Variants in ANKS1B observed in about 807,000 individuals in gnomAD.
ANKS1B encodes ankyrin repeat and sterile alpha motif domain-containing protein 1B.
A neutral mutation model predicts 148.3 loss-of-function variants in ANKS1B; 36 were observed. That is an observed-to-expected ratio of 0.24 (90% CI 0.19 to 0.32). The LOEUF (loss-of-function observed/expected upper bound fraction) is 0.32. ANKS1B is among the 10% of genes least tolerant of loss of function. The pLI is 1.00. For synonymous variants in ANKS1B, 542 were observed against 560.8 expected, an observed-to-expected ratio of 0.97 and a Z score of 0.47; for missense variants, 1,157 against 1,542.6, an observed-to-expected ratio of 0.75 and a Z score of 4.19.
chr12:99,687,083 T>C (rs1304559026), intron 8 of ANKS1B, among the ~76,000 whole-genome samples: 1 of 152,194 alleles, frequency 6.6e-6, no homozygotes. Flanking sequence ...CCTTCACTTA[T>C]GAAATATAAT....
intron 9 of ANKS1B, among the ~76,000 whole-genome samples, chr12:99,508,317 A>G (rs1310500966): frequency 1.3e-5 from 2 of 151,762 alleles, no homozygotes; most frequent in African/African-American, 2.4e-5. Context: ...TATGCTGCCT[A>G]TTCTAGTAGT....
intron 9 of ANKS1B, among the ~76,000 whole-genome samples, chr12:99,646,382 G>A (rs913647156): frequency 6.6e-6 from 1 of 152,058 alleles, no homozygotes; most frequent in Admixed American, 6.5e-5. Flanking sequence ...AAGTGGGCTG[G>A]GCACGGTGGC....
rs981588291 is a variant in ANKS1B, at chr12:99,427,997, T to C, written c.1575+15676A>G. On this transcript the variant is annotated intron_variant, in intron 11 of 26. Transcript: ENST00000683438. Reference sequence around the variant, plus strand: ...CCCAGTGCAAGAACATTTATGGACTTTTATGCCTTATCGAGTAAGAAGTTT... The same window carrying C: ...CCCAGTGCAAGAACATTTATGGACTCTTATGCCTTATCGAGTAAGAAGTTT... Among the ~76,000 whole-genome samples, 5 of 152,178 alleles carry C rather than the reference T, an allele frequency of 3.3e-5. No individual in the cohort carries two copies. In the East Asian group the frequency reaches 9.6e-4, roughly 29 times the overall value.
At chr12:99,193,695 T>C (rs2081025120) in intron 14 of ANKS1B, among the ~76,000 whole-genome samples, 1 of 151,936 alleles carries the variant, frequency 6.6e-6, no homozygotes. Flanking sequence ...GTTATATGAA[T>C]GAATTGCTCA....
intron 9 of ANKS1B, among the ~76,000 whole-genome samples, chr12:99,521,222 T>C (rs1355486034): frequency 6.6e-6 from 1 of 152,250 alleles, no homozygotes; most frequent in East Asian, 1.9e-4. Flanking sequence ...CCAGAATTTC[T>C]ACTTGATTCT....
intron 12 of ANKS1B, among the ~76,000 whole-genome samples, chr12:99,332,378 C>CAAAT (rs1433453586): frequency 2.6e-5 from 4 of 152,042 alleles, no homozygotes; most frequent in Non-Finnish European, 5.9e-5. Context: ...ATTCTCTTAA[C>CAAAT]AAATACTCAC....
chr12:99,088,815 T>C (rs2153638329), intron 15 of ANKS1B, among the ~76,000 whole-genome samples: 1 of 147,020 alleles, frequency 6.8e-6, no homozygotes, highest in Admixed American at 6.8e-5. Flanking sequence ...TACTAAATGC[T>C]AGCAAATCTC....
At chr12:99,155,116 G>C in intron 14 of ANKS1B, 1 of 1,503,920 alleles carries the variant, frequency 6.6e-7, no homozygotes, top group Non-Finnish European at 8.8e-7. Flanking sequence ...GGAATTTTAC[G>C]TTTCAAAAGA....
chr12:98,821,849 C>G (rs1374625565), intron 19 of ANKS1B, among the ~76,000 whole-genome samples: 1 of 151,858 alleles, frequency 6.6e-6, no homozygotes, highest in Non-Finnish European at 1.5e-5. Flanking sequence ...CTCAAGTGAT[C>G]CACCGGCCTC....
At chr12:99,361,444 A>T (rs2092451778) in intron 12 of ANKS1B, among the ~76,000 whole-genome samples, 1 of 152,054 alleles carries the variant, frequency 6.6e-6, no homozygotes, top group Admixed American at 6.6e-5. Context: ...TCCTTCCTTG[A>T]TGCCTGGTAT....
chr12:99,646,750 C>T (rs1227726871), intron 9 of ANKS1B, among the ~76,000 whole-genome samples: 1 of 146,724 alleles, frequency 6.8e-6, no homozygotes, highest in African/African-American at 2.5e-5. Context: ...TGTGTACTGT[C>T]ATTTCAATAA....
At chr12:99,716,000 A>C (rs912760104) in intron 8 of ANKS1B, among the ~76,000 whole-genome samples, 1 of 152,102 alleles carries the variant, frequency 6.6e-6, no homozygotes, top group African/African-American at 2.4e-5. Context: ...CACGTTTCAG[A>C]GGTGTCTGAC....
intron 1 of ANKS1B, among the ~76,000 whole-genome samples, chr12:99,907,515 T>C (rs1005733444): frequency 1.8e-4 from 27 of 152,210 alleles, no homozygotes; most frequent in African/African-American, 6.3e-4. Flanking sequence ...CAGTTCTCTA[T>C]ATTTTGTCAT....
chr12:99,224,393 T>C (rs1601828962), intron 14 of ANKS1B, among the ~76,000 whole-genome samples: 1 of 152,124 alleles, frequency 6.6e-6, no homozygotes, highest in Non-Finnish European at 1.5e-5. Flanking sequence ...GACTGGATCA[T>C]GGGGGGTGGT....
intron 17 of ANKS1B, among the ~76,000 whole-genome samples, chr12:98,951,903 T>C (rs1278441430): frequency 1.3e-5 from 2 of 152,246 alleles, no homozygotes; most frequent in Admixed American, 6.5e-5. Flanking sequence ...AGACCTTTCA[T>C]CACAGGGCCT....
chr12:99,520,773 TCTGA>T (rs1277395081), intron 9 of ANKS1B, among the ~76,000 whole-genome samples: 10 of 152,226 alleles, frequency 6.6e-5, no homozygotes, highest in Admixed American at 1.3e-4. Context: ...TTTTGCTTCC[TCTGA>T]CTGTGTTTTT....
At chr12:99,949,073 G>C (rs1294817605) in intron 1 of ANKS1B, among the ~76,000 whole-genome samples, 3 of 152,126 alleles carry the variant, frequency 2.0e-5, no homozygotes, top group Non-Finnish European at 4.4e-5. Context: ...AGAGCCATAT[G>C]AAATATTTAT....
intron 17 of ANKS1B, among the ~76,000 whole-genome samples, chr12:98,834,704 T>C (rs1254796445): frequency 2.6e-5 from 4 of 152,180 alleles, no homozygotes; most frequent in Non-Finnish European, 5.9e-5. Context: ...TCACTATGTA[T>C]TCCTTTCAGA....
chr12:99,016,855 C>G (rs964215328), intron 17 of ANKS1B, among the ~76,000 whole-genome samples: 1 of 152,148 alleles, frequency 6.6e-6, no homozygotes, highest in South Asian at 2.1e-4. Context: ...CTTGCCTCTC[C>G]CCTTGCTGGA....
Sources: gnomAD v4.1 joint callset for allele counts (sites outside exome capture counted in the v4.1 genomes callset) on GRCh38, gnomAD v4.1.1 for gene constraint, MANE v1.5 for transcripts, NCBI Gene and HGNC (gene_info 2026-07-23, HGNC 2026-07-21) for gene names.